The following PCDHGA5 variants were observed in gnomAD, a reference collection of about 807,000 sequenced individuals.
PCDHGA5 encodes the protein protocadherin gamma-A5.
PCDHGA5 carries 36 observed loss-of-function variants against 56.7 expected under a neutral mutation model. That is an observed-to-expected ratio of 0.64 (90% CI 0.49 to 0.84). PCDHGA5 has a LOEUF of 0.84. Among genes scored for constraint, PCDHGA5 ranks in the 40% least tolerant of loss-of-function variants. The pLI is 0.00. For missense variants in PCDHGA5, 1,305 were observed against 1,201.5 expected, an observed-to-expected ratio of 1.09 and a Z score of -1.27; for synonymous variants, 563 against 520.2, an observed-to-expected ratio of 1.08 and a Z score of -1.12.
At chr5:141,389,715 G>A (rs1210776013) in intron 1 of PCDHGA5, 4 of 1,612,586 alleles carry the variant, frequency 2.5e-6, no homozygotes, top group Middle Eastern at 1.7e-4. Context: ...GCAGGCTAGC[G>A]AGCCCGGGCT....
intron 1 of PCDHGA5, chr5:141,430,643 T>C (rs1432236231): frequency 2.1e-6 from 2 of 947,068 alleles, no homozygotes; most frequent in Non-Finnish European, 3.0e-6. Context: ...CCTGGGAGTA[T>C]GTGGAAACAA....
intron 1 of PCDHGA5, chr5:141,478,553 T>G (rs1593930915): frequency 6.2e-7 from 1 of 1,602,704 alleles, no homozygotes; most frequent in Non-Finnish European, 8.5e-7. Context: ...ACAGGTAAGG[T>G]TTAGCAAGTC....
chr5:141,368,284 GA>G lies in PCDHGA5; in HGVS notation c.2421+1534del, dbSNP rs536595269. ...CACATTAAAGAACCTAAGACCACTT[GA>G]TTTTTATTTTTTAAACACTGTTAAA... On this transcript the variant is annotated intron_variant, in intron 1 of 3. Transcript: ENST00000518069. Among the ~76,000 whole-genome samples the G allele has an allele frequency of 3.5e-4, 53 of 152,086 alleles. No homozygotes were observed. The East Asian group carries it at 0.01, about 29-fold the overall frequency.
chr5:141,385,081 T>G, intron 1 of PCDHGA5: 1 of 1,614,164 alleles, frequency 6.2e-7, no homozygotes, highest in Non-Finnish European at 8.5e-7. Flanking sequence ...GCTGCAGGCT[T>G]CAGAAGGTGG....
chr5:141,463,814 C>T (rs1359662651), intron 1 of PCDHGA5, among the ~76,000 whole-genome samples: 7 of 152,188 alleles, frequency 4.6e-5, no homozygotes, highest in African/African-American at 1.7e-4. Flanking sequence ...GCTTTTATCA[C>T]ACATTTTGAT....
chr5:141,423,325 G>A lies in PCDHGA5; in HGVS notation c.2421+56574G>A, dbSNP rs201044967. ...GCTGTACTTGGTGGTGGCGGTGGCCGCAGTCTCCTGCATCTTCCTGGTCTT... is the reference window on the plus strand; with the variant it reads ...GCTGTACTTGGTGGTGGCGGTGGCCACAGTCTCCTGCATCTTCCTGGTCTT... On this transcript the variant is annotated intron_variant, in intron 1 of 3. Coordinates refer to ENST00000518069, the MANE Select transcript of PCDHGA5 (RefSeq NM_018918.3). 133 of 1,614,016 alleles carry A rather than the reference G, an allele frequency of 8.2e-5. No individual in the cohort carries two copies. Among genetic ancestry groups the A allele is most frequent in the Non-Finnish European group, 4.1e-5 (48 of 1,180,008 alleles).
At chr5:141,392,771 A>G in intron 1 of PCDHGA5, 1 of 1,514,130 alleles carries the variant, frequency 6.6e-7, no homozygotes, top group Non-Finnish European at 8.8e-7. Flanking sequence ...AGACCCATTT[A>G]TGCACAGTGA....
At position 141,491,462 on chromosome 5, in the gene PCDHGA5, T is replaced by C; in HGVS notation, c.2422-3345T>C. 1.2e-6 allele frequency: 2 copies of C among 1,614,004 alleles called. No individual in the cohort carries two copies. The highest frequency in any genetic ancestry group is 1.7e-6 in the Non-Finnish European group (2 of 1,179,978). ...CGCCAGGACTCACCCTCCCCGGACT[T>C]CTATAAGCAGTCCAGCCCCAACCTG... On this transcript the variant is annotated intron_variant, in intron 1 of 3. Coordinates refer to ENST00000518069, the MANE Select transcript of PCDHGA5 (RefSeq NM_018918.3). This position sits in a 1 kb window ranked among gnomAD's most constrained non-coding sequence, Gnocchi z 6.9.
chr5:141,431,505 C>T lies in PCDHGA5; in HGVS notation c.2422-63302C>T. 1.2e-6 allele frequency: 2 copies of T among 1,614,018 alleles called. No individual in the cohort carries two copies. The highest frequency in any genetic ancestry group is 1.7e-6 in the Non-Finnish European group (2 of 1,180,028). On this transcript the variant is annotated intron_variant, in intron 1 of 3. Coordinates refer to ENST00000518069, the MANE Select transcript of PCDHGA5 (RefSeq NM_018918.3). This position sits in a 1 kb window ranked among gnomAD's most constrained non-coding sequence, Gnocchi z 4.8. ...GCGTTTGCTCAGCCCGAGTACCGCG[C>T]GAGCGTTCCGGAGAATCTGGCCTTG...
rs1297312122 is a variant in PCDHGA5, at chr5:141,364,429, C to T, written c.99C>T (p.Tyr33=). The change falls in exon 1 of 4, where the codon TAC becomes TAT. Residue 33 remains tyrosine (Y), a synonymous_variant. Transcript: ENST00000518069. ...AGCCAGGATCCGGGCAGATCCGCTA[C>T]TCGATGCCGGAGGAGCTGGACAAAG... is the stretch of plus-strand genomic sequence containing the variant. ...LCEPGSGQIR[Y]SMPEELDKGS... 3 of 1,613,650 alleles carry T rather than the reference C, an allele frequency of 1.9e-6. No homozygotes were observed. Among genetic ancestry groups the T allele is most frequent in the Admixed American group, 1.7e-5 (1 of 59,988 alleles).
intron 1 of PCDHGA5, chr5:141,408,377 C>A: frequency 6.2e-7 from 1 of 1,614,020 alleles, no homozygotes; most frequent in Non-Finnish European, 8.5e-7. Flanking sequence ...GCTCAGTGTC[C>A]TGGATGTGTC....
At chr5:141,430,656 G>A in intron 1 of PCDHGA5, 1 of 1,092,670 alleles carries the variant, frequency 9.2e-7, no homozygotes, top group Non-Finnish European at 1.3e-6. Context: ...GGAAACAACG[G>A]AGGAGCTCTG....
intron 1 of PCDHGA5, chr5:141,468,586 G>C (rs1232477889): frequency 1.3e-5 from 2 of 152,176 alleles, no homozygotes; most frequent in East Asian, 1.9e-4. Context: ...GGTACTAAAG[G>C]CTGGGCGCGG....
intron 1 of PCDHGA5, among the ~76,000 whole-genome samples, chr5:141,456,538 A>T (rs1010588747): frequency 7.2e-5 from 11 of 152,184 alleles, no homozygotes; most frequent in Admixed American, 3.3e-4. Context: ...TTAAAGAGGG[A>T]TTGTAGCCAC....
Position 141,487,892 on chromosome 5 carries a change from T to A in PCDHGA5, c.2422-6915T>A. On this transcript the variant is annotated intron_variant, in intron 1 of 3. Coordinates refer to ENST00000518069, the MANE Select transcript of PCDHGA5 (RefSeq NM_018918.3). The surrounding 1 kb of genome is among the most constrained non-coding windows in gnomAD (Gnocchi z 5.0). The stretch of plus-strand genomic sequence containing the variant: ...GAGCCAGGCTGTTGTGGAAGCATGA[T>A]GATGGAATGTGGGAGCACAGGAGGC... 1 of 731,410 alleles carries A rather than the reference T, an allele frequency of 1.4e-6. No homozygotes were observed. Among genetic ancestry groups the A allele is most frequent in the South Asian group, 1.8e-5 (1 of 54,120 alleles). The allele number at this position is 731,410 out of a possible 1,614,324, so 45.3% of individuals were successfully genotyped here. A position where few individuals can be genotyped will look rare whatever the true frequency, so the allele number is the denominator to read the frequency against.
chr5:141,425,057 C>T (rs926732426), intron 1 of PCDHGA5, among the ~76,000 whole-genome samples: 4 of 152,026 alleles, frequency 2.6e-5, no homozygotes, highest in African/African-American at 4.8e-5. Flanking sequence ...ATCTAGGGCT[C>T]GGACAAAAAT....
At position 141,432,587 on chromosome 5, in the gene PCDHGA5, A is replaced by G. The variant is rs1344597432; in HGVS notation, c.2422-62220A>G. 5 of 1,613,132 alleles carry G rather than the reference A, an allele frequency of 3.1e-6. No homozygotes were observed. In the East Asian group the frequency reaches 8.9e-5, roughly 29 times the overall value. ...CGCCTGGCTGTCCTACCGTCTGCTC[A>G]AGGCCAGCGAGCCGGGACTCTTCTC... On this transcript the variant is annotated intron_variant, in intron 1 of 3. Transcript: ENST00000518069. This position sits in a 1 kb window ranked among gnomAD's most constrained non-coding sequence, Gnocchi z 6.0.
chr5:141,415,197 A>G, intron 1 of PCDHGA5: 1 of 1,614,016 alleles, frequency 6.2e-7, no homozygotes, highest in African/African-American at 1.3e-5. Context: ...GCATCCCCCA[A>G]GTCCTGGCGG....
chr5:141,388,372 G>C (rs1040306905), intron 1 of PCDHGA5: 5 of 1,613,966 alleles, frequency 3.1e-6, no homozygotes, highest in Non-Finnish European at 4.2e-6. Context: ...GCGGATATTG[G>C]TAGCAACACA....
Sources: gnomAD v4.1 joint callset for allele counts (sites outside exome capture counted in the v4.1 genomes callset) on GRCh38, gnomAD v4.1.1 for gene constraint, Gnocchi (gnomAD v3.1) non-coding constraint, MANE v1.5 for transcripts, NCBI Gene and HGNC (gene_info 2026-07-23, HGNC 2026-07-21) for gene names.